Variants in TFEC observed in about 807,000 individuals in gnomAD.
TFEC encodes the protein class E basic helix-loop-helix protein 34.
In TFEC, 31 loss-of-function variants were observed where a neutral mutation model predicts 41.6. That is an observed-to-expected ratio of 0.74 (90% CI 0.56 to 1.01). The LOEUF is 1.01. Ranked by LOEUF, TFEC falls within the 50% of genes least tolerant of loss-of-function variation. The pLI is 0.00. For synonymous variants in TFEC, 143 were observed against 140.6 expected, an observed-to-expected ratio of 1.02 and a Z score of -0.12; for missense variants, 402 against 404.1, an observed-to-expected ratio of 0.99 and a Z score of 0.04.
chr7:116,108,559 A>T (rs1797773327), intron 3 of TFEC, among the ~76,000 whole-genome samples: 1 of 152,118 alleles, frequency 6.6e-6, no homozygotes, highest in African/African-American at 2.4e-5. Flanking sequence ...GGTGCTCAAA[A>T]TATAGTATTA....
At chr7:116,039,556 G>A (rs1484571177) in intron 3 of TFEC, among the ~76,000 whole-genome samples, 1 of 151,530 alleles carries the variant, frequency 6.6e-6, no homozygotes, top group Non-Finnish European at 1.5e-5. Flanking sequence ...GTCTTTCAGA[G>A]GAACATCAAA....
chr7:116,083,115 T>C (rs935614278), intron 3 of TFEC, among the ~76,000 whole-genome samples: 3 of 151,896 alleles, frequency 2.0e-5, no homozygotes, highest in Non-Finnish European at 4.4e-5. Context: ...ATATTTAAAA[T>C]TCTAAATAAT....
At chr7:116,068,712 A>G (rs113741132) in intron 3 of TFEC, among the ~76,000 whole-genome samples, 7 of 151,854 alleles carry the variant, frequency 4.6e-5, no homozygotes, top group African/African-American at 1.7e-4. Flanking sequence ...GAGAATTAAT[A>G]AATCCAAAAA....
intron 1 of TFEC, among the ~76,000 whole-genome samples, chr7:116,157,077 G>A (rs931916629): frequency 2.0e-5 from 3 of 152,074 alleles, no homozygotes; most frequent in Admixed American, 6.6e-5. Context: ...TTAGGCCTCC[G>A]ATGATCTTTC....
chr7:115,992,668 C>T (rs1316349398), intron 1 of TFEC, among the ~76,000 whole-genome samples: 27 of 151,998 alleles, frequency 1.8e-4, no homozygotes, highest in Admixed American at 8.5e-4. Context: ...AAGTTGAATC[C>T]CTGAATAGGC....
rs1798512335 is a variant in TFEC, at chr7:116,140,152, C to A, written c.-69+19638G>T. Among the ~76,000 whole-genome samples the A allele has an allele frequency of 3.9e-5, 6 of 152,110 alleles. No homozygotes were observed. The South Asian group carries it at 1.2e-3, about 32-fold the overall frequency. ...TCCATTCATTGGCTATTAAAACAAT[C>A]TAAGGTTTCAGTAATAAAGGCCAAG... On this transcript the variant is annotated intron_variant, in intron 1 of 8. Transcript: ENST00000484212.
At chr7:116,007,111 T>C (rs181340908) in intron 1 of TFEC, among the ~76,000 whole-genome samples, 3 of 152,352 alleles carry the variant, frequency 2.0e-5, no homozygotes, top group Admixed American at 2.0e-4. Context: ...AAAATGTATG[T>C]ATCTACGGTT....
chr7:115,989,575 ATC>A (rs1265240890), intron 1 of TFEC, among the ~76,000 whole-genome samples: 2 of 152,204 alleles, frequency 1.3e-5, no homozygotes, highest in African/African-American at 4.8e-5. Flanking sequence ...AGGAGATTAT[ATC>A]CCATGCCTGG....
chr7:116,153,725 T>C (rs1798809576), intron 1 of TFEC, among the ~76,000 whole-genome samples: 1 of 151,840 alleles, frequency 6.6e-6, no homozygotes, highest in South Asian at 2.1e-4. Context: ...TATAATGAAG[T>C]AAAAATTTTA....
chr7:116,131,295 ACCATG>A (rs1309467726), intron 1 of TFEC, among the ~76,000 whole-genome samples: 7 of 152,188 alleles, frequency 4.6e-5, no homozygotes, highest in Non-Finnish European at 8.8e-5. Context: ...CAGGATAGAA[ACCATG>A]TGCCTTTGAA....
chr7:115,965,527 C>T (rs12706064), intron 3 of TFEC, among the ~76,000 whole-genome samples: 20,658 of 150,718 alleles, frequency 0.14, 1,889 homozygotes, highest in Non-Finnish European at 0.21. Context: ...TTTTTTCTTT[C>T]TTTTTTAGTT....
intron 3 of TFEC, among the ~76,000 whole-genome samples, chr7:115,965,453 T>C: frequency 6.6e-6 from 1 of 151,734 alleles, no homozygotes; most frequent in Non-Finnish European, 1.5e-5. Flanking sequence ...CATTACACAT[T>C]TGCTTACTGT....
intron 1 of TFEC, among the ~76,000 whole-genome samples, chr7:116,020,766 T>C (rs1035790082): frequency 5.9e-5 from 9 of 152,122 alleles, no homozygotes; most frequent in Non-Finnish European, 1.0e-4. Flanking sequence ...AATCGTACCA[T>C]TGGATTTTTT....
intron 3 of TFEC, among the ~76,000 whole-genome samples, chr7:115,958,039 G>A (rs1562889825): frequency 6.6e-6 from 1 of 151,772 alleles, no homozygotes; most frequent in Admixed American, 6.6e-5. Flanking sequence ...GCTCTCAGAT[G>A]TATTTTTTCA....
intron 3 of TFEC, among the ~76,000 whole-genome samples, chr7:116,101,710 C>A (rs1363970673): frequency 6.6e-6 from 1 of 151,762 alleles, no homozygotes; most frequent in East Asian, 1.9e-4. Flanking sequence ...AGGGGGGCAA[C>A]AATGAATGTA....
intron 3 of TFEC, among the ~76,000 whole-genome samples, chr7:116,070,115 A>T (rs909606451): frequency 3.3e-5 from 5 of 151,302 alleles, no homozygotes; most frequent in African/African-American, 1.2e-4. Flanking sequence ...CAATATAAAA[A>T]CAACATAAAT....
chr7:116,159,371 CATTATAT>C (rs1398377064), intron 1 of TFEC, among the ~76,000 whole-genome samples: 1 of 151,856 alleles, frequency 6.6e-6, no homozygotes, highest in Non-Finnish European at 1.5e-5. Context: ...ATAAATTCTA[CATTATAT>C]ATAATAATTA....
At chr7:116,124,030 G>A (rs1798161746) in intron 1 of TFEC, among the ~76,000 whole-genome samples, 1 of 152,144 alleles carries the variant, frequency 6.6e-6, no homozygotes, top group Non-Finnish European at 1.5e-5. Context: ...AAGGAAAGAA[G>A]AAGGAGAGTA....
At chr7:116,002,082 G>GTA (rs920112285) in intron 1 of TFEC, among the ~76,000 whole-genome samples, 1 of 152,196 alleles carries the variant, frequency 6.6e-6, no homozygotes, top group Non-Finnish European at 1.5e-5. Context: ...TCGTGGGAAT[G>GTA]TAAGTTAGTA....
Sources: gnomAD v4.1 joint callset for allele counts (sites outside exome capture counted in the v4.1 genomes callset) on GRCh38, gnomAD v4.1.1 for gene constraint, MANE v1.5 for transcripts, NCBI Gene and HGNC (gene_info 2026-07-23, HGNC 2026-07-21) for gene names.